The following ZMAT4 variants were observed in gnomAD, a reference collection of about 807,000 sequenced individuals.
ZMAT4 encodes zinc finger matrin-type protein 4.
A neutral mutation model predicts 28.7 loss-of-function variants in ZMAT4; 17 were observed. The observed-to-expected ratio is 0.59, with a 90% CI of 0.41 to 0.89. The LOEUF (loss-of-function observed/expected upper bound fraction) is 0.89. Among genes scored for constraint, ZMAT4 ranks in the 40% least tolerant of loss-of-function variants. The pLI is 0.00. For synonymous variants in ZMAT4, 117 were observed against 109.2 expected (o/e 1.07, Z -0.44); for missense variants, 240 against 283.8 (o/e 0.85, Z 1.11).
intron 2 of ZMAT4, among the ~76,000 whole-genome samples, chr8:40,803,398 C>A (rs1004214353): frequency 1.3e-5 from 2 of 152,104 alleles, no homozygotes; most frequent in African/African-American, 2.4e-5. Context: ...TAAAACTCAA[C>A]AAGAACACAA....
chr8:40,830,599 G>C (rs1238931898), intron 1 of ZMAT4, among the ~76,000 whole-genome samples: 1 of 152,188 alleles, frequency 6.6e-6, no homozygotes, highest in Non-Finnish European at 1.5e-5. Context: ...ACTTAAGTTA[G>C]CTGCATGACT....
At chr8:40,661,377 G>C (rs367982817) in intron 5 of ZMAT4, among the ~76,000 whole-genome samples, 9 of 152,172 alleles carry the variant, frequency 5.9e-5, no homozygotes, top group Non-Finnish European at 1.0e-4. Flanking sequence ...TGGGATTACC[G>C]GCATCAGCCA....
chr8:40,717,798 C>G (rs2150513736), intron 3 of ZMAT4, among the ~76,000 whole-genome samples: 1 of 152,138 alleles, frequency 6.6e-6, no homozygotes, highest in Middle Eastern at 3.4e-3. Context: ...ACCTACTTTA[C>G]TAAAGTTATG....
chr8:40,823,992 A>G (rs1263997099), intron 2 of ZMAT4, among the ~76,000 whole-genome samples: 1 of 152,198 alleles, frequency 6.6e-6, no homozygotes, highest in Non-Finnish European at 1.5e-5. Context: ...GCATTTTCAC[A>G]GGTACAATTT....
At chr8:40,841,446 A>T (rs1816698808) in intron 1 of ZMAT4, among the ~76,000 whole-genome samples, 1 of 152,118 alleles carries the variant, frequency 6.6e-6, no homozygotes, top group Non-Finnish European at 1.5e-5. Context: ...TAAATGCTAG[A>T]CTGTGTTCTC....
At chr8:40,637,798 G>C (rs1806852457) in intron 5 of ZMAT4, among the ~76,000 whole-genome samples, 2 of 152,166 alleles carry the variant, frequency 1.3e-5, no homozygotes, top group Non-Finnish European at 2.9e-5. Context: ...GAGTACAATA[G>C]TATATAGCAC....
rs866988426 is a variant in ZMAT4 at position 40,878,174 on chromosome 8, G to A, written c.-5+19509C>T. 5.3e-5 allele frequency among the ~76,000 whole-genome samples: 8 copies of A among 152,280 alleles called. 1 individual carries two copies. Among genetic ancestry groups the A allele is most frequent in the Non-Finnish European group, 1.0e-4 (7 of 68,024 alleles). The stretch of plus-strand genomic sequence containing the variant: ...GCCTCCAAGTGGCCAGTGGTCAACC[G>A]TCAATCATGAAAGCCAGTATCATTG... On this transcript the variant is annotated intron_variant, in intron 1 of 6. Transcript: ENST00000297737.
At chr8:40,671,684 A>C (rs1808675841) in intron 5 of ZMAT4, among the ~76,000 whole-genome samples, 1 of 152,126 alleles carries the variant, frequency 6.6e-6, no homozygotes, top group Non-Finnish European at 1.5e-5. Flanking sequence ...TGACATGGGA[A>C]TTTTCCCATG....
intron 5 of ZMAT4, among the ~76,000 whole-genome samples, chr8:40,608,561 G>A (rs919940611): frequency 6.6e-6 from 1 of 152,112 alleles, no homozygotes; most frequent in African/African-American, 2.4e-5. Flanking sequence ...CACGGTTTTT[G>A]TGCTGGTATC....
chr8:40,672,712 T>A (rs1554537382), intron 5 of ZMAT4, among the ~76,000 whole-genome samples: 1 of 152,210 alleles, frequency 6.6e-6, no homozygotes. Flanking sequence ...TAAAGTCCTA[T>A]TTTTCTCCTT....
chr8:40,690,450 G>C (rs777038408), intron 4 of ZMAT4, among the ~76,000 whole-genome samples: 1 of 152,184 alleles, frequency 6.6e-6, no homozygotes, highest in Non-Finnish European at 1.5e-5. Context: ...ATCTAGAGAT[G>C]ATGCCTCAGA....
intron 3 of ZMAT4, among the ~76,000 whole-genome samples, chr8:40,739,144 GT>G (rs1451665684): frequency 6.6e-6 from 1 of 152,142 alleles, no homozygotes; most frequent in Admixed American, 6.6e-5. Flanking sequence ...TGGAACGTGG[GT>G]GGATGTTAAT....
At chr8:40,704,468 A>G (rs1810270799) in intron 3 of ZMAT4, among the ~76,000 whole-genome samples, 1 of 152,124 alleles carries the variant, frequency 6.6e-6, no homozygotes, top group Non-Finnish European at 1.5e-5. Flanking sequence ...TTTCATCCAC[A>G]TCTTCCTTCC....
chr8:40,886,681 G>T (rs1475148763), intron 1 of ZMAT4, among the ~76,000 whole-genome samples: 1 of 152,174 alleles, frequency 6.6e-6, no homozygotes, highest in Non-Finnish European at 1.5e-5. Flanking sequence ...GCCATGAGCT[G>T]CTCCCGAATT....
intron 5 of ZMAT4, among the ~76,000 whole-genome samples, chr8:40,592,459 A>G (rs10808939): frequency 0.25 from 37,790 of 152,186 alleles, 5,605 homozygotes; most frequent in Non-Finnish European, 0.34. Flanking sequence ...CATGGACTGC[A>G]GGGTACCAAA....
intron 3 of ZMAT4, among the ~76,000 whole-genome samples, chr8:40,722,053 C>T (rs1271271505): frequency 6.6e-6 from 1 of 151,930 alleles, no homozygotes; most frequent in Non-Finnish European, 1.5e-5. Context: ...AAATGTTAGA[C>T]CTAAAACCAT....
rs117742243 is a variant in ZMAT4 at position 40,860,837 on chromosome 8, G to A, written c.-4-35157C>T. Among the ~76,000 whole-genome samples, 53 of 152,254 alleles carry A rather than the reference G, an allele frequency of 3.5e-4. No individual in the cohort carries two copies. The East Asian group carries it at 8.3e-3, about 24-fold the overall frequency. On this transcript the variant is annotated intron_variant, in intron 1 of 6. Transcript: ENST00000297737. Reference sequence around the variant, plus strand: ...GTGGAGAGCTACATGCAGTGCAATCGGACCAATGACTGACCAGGGGAAGCA... The same window carrying A: ...GTGGAGAGCTACATGCAGTGCAATCAGACCAATGACTGACCAGGGGAAGCA...
intron 6 of ZMAT4, among the ~76,000 whole-genome samples, chr8:40,540,366 A>G (rs888102476): frequency 6.6e-5 from 10 of 152,056 alleles, no homozygotes; most frequent in African/African-American, 2.4e-4. Flanking sequence ...CTCACCTTTT[A>G]AATTGTCTGC....
chr8:40,856,034 G>A (rs1817285297), intron 1 of ZMAT4, among the ~76,000 whole-genome samples: 2 of 151,906 alleles, frequency 1.3e-5, no homozygotes, highest in South Asian at 4.2e-4. Flanking sequence ...AGTTATCCCT[G>A]CCACAAGACC....
Sources: allele counts gnomAD v4.1 joint callset (sites outside exome capture counted in the v4.1 genomes callset), GRCh38; gene constraint gnomAD v4.1.1; transcripts MANE v1.5; gene names NCBI Gene and HGNC (gene_info 2026-07-23, HGNC 2026-07-21).